The following WDR31 variants were observed in gnomAD, a reference collection of about 807,000 sequenced individuals.
WDR31 encodes WD repeat-containing protein 31.
Under a neutral mutation model 47.3 loss-of-function variants are expected in WDR31, and 30 were observed. That is an observed-to-expected ratio of 0.63 (90% CI 0.47 to 0.86). The LOEUF (loss-of-function observed/expected upper bound fraction) is 0.86. Ranked by LOEUF, WDR31 falls within the 40% of genes least tolerant of loss-of-function variation. WDR31 has a pLI of 0.00. For synonymous variants in WDR31, 137 were observed against 159.4 expected (o/e 0.86, Z 1.06); for missense variants, 406 against 442.9 (o/e 0.92, Z 0.75).
intron 1 of WDR31, among the ~76,000 whole-genome samples, chr9:113,337,219 TA>T (rs1183670908): frequency 1.3e-5 from 2 of 152,180 alleles, no homozygotes; most frequent in Non-Finnish European, 2.9e-5. Flanking sequence ...TTCCTATGTG[TA>T]AAATAGGATA....
rs772182330 is a variant in WDR31, at chr9:113,318,473, A to C, written c.943+2T>G. ...GAGGAGAACTAACAGCAGGCTGCTT[A>C]CCTCCAGTATCTTGGTTCCAAATCT... is the stretch of plus-strand genomic sequence containing the variant. On this transcript the variant is annotated splice_donor_variant, in intron 10 of 10. Coordinates refer to ENST00000374193, the MANE Select transcript of WDR31 (RefSeq NM_001012361.4). LOFTEE classifies it high-confidence loss of function. The C allele has an allele frequency of 6.2e-7, 1 of 1,614,138 alleles. No individual in the cohort carries two copies. Among genetic ancestry groups the C allele is most frequent in the Admixed American group, 1.7e-5 (1 of 60,022 alleles).
At chr9:113,319,510 T>C (rs1008798804) in intron 9 of WDR31, among the ~76,000 whole-genome samples, 2 of 152,208 alleles carry the variant, frequency 1.3e-5, no homozygotes, top group Admixed American at 1.3e-4. Flanking sequence ...AATGAGATAT[T>C]ACATGTAATG....
Position 113,315,028 on chromosome 9 carries a change from A to G in WDR31, c.*1721T>C, listed in dbSNP as rs1382590947. 6.6e-6 allele frequency: 1 copy of G among 152,210 alleles called. No individual in the cohort carries two copies. Among genetic ancestry groups the G allele is most frequent in the African/African-American group, 2.4e-5 (1 of 41,436 alleles). The allele number at this position is 152,210 out of a possible 1,614,324, so 9.4% of individuals were successfully genotyped here. A position where few individuals can be genotyped will look rare whatever the true frequency, so the allele number is the denominator to read the frequency against. On this transcript the variant is annotated 3_prime_UTR_variant, in exon 11 of 11. Coordinates refer to ENST00000374193, the MANE Select transcript of WDR31 (RefSeq NM_001012361.4). ...AGGAAACAGATTTTATAACTTGCCC[A>G]AGATCATCCAGCTAAATGGAGAAGT...
At chr9:113,327,914 G>A (rs889772879) in intron 5 of WDR31, among the ~76,000 whole-genome samples, 4 of 152,020 alleles carry the variant, frequency 2.6e-5, no homozygotes, top group Admixed American at 6.6e-5. Flanking sequence ...ATCACACAAC[G>A]GGGAGAGTGA....
In WDR31 at chr9:113,332,019, G is replaced by A; in HGVS notation, c.4C>T (p.Leu2=). The change falls in exon 3 of 11, where the codon CTG becomes TTG. Residue 2 remains leucine (L), a synonymous_variant. Transcript: ENST00000374193. ...TGTTTCAGTTGGCACCTGAGTAGCA[G>A]CATCCCTTGTGGCTGCTGGAAGTTG... is the stretch of plus-strand genomic sequence containing the variant. M[L]LLRCQLKQAP... The A allele has an allele frequency of 6.2e-7, 1 of 1,613,680 alleles. No individual in the cohort carries two copies.
intron 9 of WDR31, among the ~76,000 whole-genome samples, chr9:113,320,150 G>A (rs1451504968): frequency 1.3e-5 from 2 of 152,184 alleles, no homozygotes; most frequent in Non-Finnish European, 2.9e-5. Context: ...AAACTCCTGG[G>A]CTCAATTAAT....
intron 7 of WDR31, 142 bp from the exon 8 acceptor site, chr9:113,321,720 T>C (rs999783647): frequency 1.3e-6 from 1 of 742,192 alleles, no homozygotes; most frequent in Non-Finnish European, 2.2e-6. Flanking sequence ...ATCTTAGGTT[T>C]TGCAGATACC....
Position 113,313,573 on chromosome 9 carries a change from C to T in WDR31, c.*3176G>A, listed in dbSNP as rs1309767119. ...CTTTGTGACACGATGCAAAGGAAAG[C>T]GTTTGGGCTTTGAGTCAGGCAGACC... On this transcript the variant is annotated 3_prime_UTR_variant, in exon 11 of 11. Transcript: ENST00000374193. 1 of 152,176 alleles carries T rather than the reference C, an allele frequency of 6.6e-6. No individual in the cohort carries two copies. The highest frequency in any genetic ancestry group is 2.4e-5 in the African/African-American group (1 of 41,430). 9.4% of individuals were successfully genotyped at this position (152,176 alleles called of 1,614,324 possible). A position where few individuals can be genotyped will look rare whatever the true frequency, so the allele number is the denominator to read the frequency against.
At chr9:113,324,853 TGTG>T (rs1319122469) in intron 5 of WDR31, among the ~76,000 whole-genome samples, 25 of 151,642 alleles carry the variant, frequency 1.6e-4, no homozygotes, top group Non-Finnish European at 2.8e-4. Context: ...TGTGTGTGTG[TGTG>T]TGTGTGTGTG....
At chr9:113,330,579 TAGAC>T (rs1833574739) in intron 4 of WDR31, among the ~76,000 whole-genome samples, 3 of 152,134 alleles carry the variant, frequency 2.0e-5, no homozygotes, top group Admixed American at 2.0e-4. Flanking sequence ...AAGAAGAGAT[TAGAC>T]AGTTCCTTTT....
At chr9:113,333,321 A>G (rs1833640433) in intron 2 of WDR31, among the ~76,000 whole-genome samples, 1 of 130,738 alleles carries the variant, frequency 7.6e-6, no homozygotes, top group Admixed American at 7.5e-5. Context: ...TTCTTGAAAA[A>G]GAAAAGCCTC....
At position 113,314,327 on chromosome 9, in the gene WDR31, G is replaced by GC. The variant is rs1833143166; in HGVS notation, c.*2421dup. 2 of 150,520 alleles carry GC rather than the reference G, an allele frequency of 1.3e-5. No individual in the cohort carries two copies. The highest frequency in any genetic ancestry group is 4.9e-5 in the African/African-American group (2 of 41,072). The allele number at this position is 150,520 out of a possible 1,614,324, so 9.3% of individuals were successfully genotyped here. On this transcript the variant is annotated 3_prime_UTR_variant, in exon 11 of 11. Coordinates refer to ENST00000374193, the MANE Select transcript of WDR31 (RefSeq NM_001012361.4). ...CCTCCCCGGTTGAAGCGATTCTCCT[G>GC]CCTCAGCCTCCTGAGTAGCTGGGAC... is the stretch of plus-strand genomic sequence containing the variant.
At chr9:113,335,363 T>C (rs1434050353) in intron 2 of WDR31, among the ~76,000 whole-genome samples, 3 of 152,172 alleles carry the variant, frequency 2.0e-5, no homozygotes, top group Non-Finnish European at 2.9e-5. Flanking sequence ...ATGTCATGTG[T>C]CCCCTGCGAC....
intron 5 of WDR31, among the ~76,000 whole-genome samples, chr9:113,326,380 C>CTCTT (rs150558954): frequency 0.028 from 4,195 of 151,764 alleles, 197 homozygotes; most frequent in African/African-American, 0.096. Context: ...TTCTTTCTTT[C>CTCTT]TCTTTCTTTT....
chr9:113,333,378 T>TTTTTTTTTTTTTTTGAGACGGAGTC (rs1214421642), intron 2 of WDR31, among the ~76,000 whole-genome samples: 1 of 140,692 alleles, frequency 7.1e-6, no homozygotes, highest in Non-Finnish European at 1.6e-5. Flanking sequence ...GGATTTTTTT[T>TTTTTTTTTTTTTTTGAGACGGAGTC]TTTTTTTTTT....
In WDR31 at chr9:113,335,317, G is replaced by A. The variant is rs79905811; in HGVS notation, c.-29+971C>T. Among the ~76,000 whole-genome samples, 912 of 152,276 alleles carry A rather than the reference G, an allele frequency of 6.0e-3. 9 individuals carry two copies. Among genetic ancestry groups the A allele is most frequent in the African/African-American group, 0.021 (859 of 41,544 alleles). On this transcript the variant is annotated intron_variant, in intron 2 of 10. Coordinates refer to ENST00000374193, the MANE Select transcript of WDR31 (RefSeq NM_001012361.4). ...ACCAGCATGAACATTTGCTGGGACC[G>A]AAGGAACCTAACGAAGGACCAGTCT...
Position 113,316,595 on chromosome 9 carries a change from T to G in WDR31, c.*154A>C. 1 of 890,830 alleles carries G rather than the reference T, an allele frequency of 1.1e-6. No individual in the cohort carries two copies. Among genetic ancestry groups the G allele is most frequent in the Admixed American group, 2.8e-5 (1 of 35,580 alleles). 55.2% of individuals were successfully genotyped at this position (890,830 alleles called of 1,614,324 possible). On this transcript the variant is annotated 3_prime_UTR_variant, in exon 11 of 11. Coordinates refer to ENST00000374193, the MANE Select transcript of WDR31 (RefSeq NM_001012361.4). Reference sequence around the variant, plus strand: ...CTGATTTTGAATCACTGGACTTAAATTATTGGACTTACAACACTGATACAT... The same window carrying G: ...CTGATTTTGAATCACTGGACTTAAAGTATTGGACTTACAACACTGATACAT...
chr9:113,317,865 T>C (rs1255738945), intron 10 of WDR31, among the ~76,000 whole-genome samples: 2 of 152,382 alleles, frequency 1.3e-5, no homozygotes, highest in East Asian at 1.9e-4. Flanking sequence ...ATTTTCATCA[T>C]GTAAATACCT....
chr9:113,337,813 C>T (rs1366466218), intron 1 of WDR31, among the ~76,000 whole-genome samples: 3 of 152,244 alleles, frequency 2.0e-5, no homozygotes, highest in Middle Eastern at 3.4e-3. Flanking sequence ...GATGCTCAAC[C>T]CTTAAGTATA....
Sources: allele counts gnomAD v4.1 joint callset (sites outside exome capture counted in the v4.1 genomes callset), GRCh38; gene constraint gnomAD v4.1.1; transcripts MANE v1.5; gene names NCBI Gene and HGNC (gene_info 2026-07-23, HGNC 2026-07-21).